DDX60: variants seen among roughly 807,000 people sequenced by gnomAD.
DDX60 encodes the protein DExD/H-box helicase 60, also known as probable ATP-dependent RNA helicase DDX60.
In DDX60, 165 loss-of-function variants were observed where a neutral mutation model predicts 212.8. That is an observed-to-expected ratio of 0.78 (90% CI 0.68 to 0.88). The LOEUF (loss-of-function observed/expected upper bound fraction) is 0.88. Among genes scored for constraint, DDX60 ranks in the 40% least tolerant of loss-of-function variants. The probability of loss-of-function intolerance (pLI) is 0.00; values close to 1 mark genes in which losing one functional copy is unlikely to be tolerated. For synonymous variants in DDX60, 703 were observed against 685.3 expected (o/e 1.03, Z -0.40); for missense variants, 1,905 against 2,003.9 (o/e 0.95, Z 0.94).
upstream of DDX60, among the ~76,000 whole-genome samples, chr4:168,320,408 G>T (rs1403483852): frequency 2.0e-5 from 3 of 152,086 alleles, no homozygotes; most frequent in African/African-American, 7.2e-5. Flanking sequence ...CAGTGGAAGG[G>T]ACCACGGGCC....
chr4:168,243,032 C>A (rs1002335873), intron 30 of DDX60, among the ~76,000 whole-genome samples: 1 of 152,168 alleles, frequency 6.6e-6, no homozygotes, highest in African/African-American at 2.4e-5. Context: ...AGTTCCCTTG[C>A]ACAAGCTCTC....
At chr4:168,257,571 T>C (rs1336332876) in intron 25 of DDX60, among the ~76,000 whole-genome samples, 1 of 152,178 alleles carries the variant, frequency 6.6e-6, no homozygotes, top group East Asian at 1.9e-4. Context: ...TAATGCAAGT[T>C]ACTGGGGCCT....
intron 25 of DDX60, among the ~76,000 whole-genome samples, chr4:168,256,154 G>A (rs367740212): frequency 1.7e-4 from 20 of 120,940 alleles, no homozygotes; most frequent in South Asian, 1.4e-3. Context: ...ATCAGAACTC[G>A]TGGAAATTTT....
intron 33 of DDX60, among the ~76,000 whole-genome samples, chr4:168,234,995 C>T (rs932025055): frequency 6.6e-6 from 1 of 152,026 alleles, no homozygotes; most frequent in Non-Finnish European, 1.5e-5. Context: ...ATCTAAAAGA[C>T]TGCTAAAGAT....
At position 168,308,100 on chromosome 4, in the gene DDX60, T is replaced by C. The variant is rs1024139852; in HGVS notation, c.170A>G (p.Lys57Arg). Residue 57 changes from lysine (K) to arginine (R), a missense_variant, in exon 4 of 38, where the codon AAG becomes AGG. Transcript: ENST00000393743. ...GAAGAAATGGAGGTTCTGCCCAGGCTTAAATGATATCTCACAGATACATGT... is the reference window on the plus strand; with the variant it reads ...GAAGAAATGGAGGTTCTGCCCAGGCCTAAATGATATCTCACAGATACATGT... ...LITCICEISF[K>R]PGQNLHFFYL... is the part of the protein sequence containing the mutation. The C allele has an allele frequency of 2.5e-6, 4 of 1,611,402 alleles. No individual in the cohort carries two copies. Among genetic ancestry groups the C allele is most frequent in the Non-Finnish European group, 3.4e-6 (4 of 1,178,584 alleles).
At chr4:168,274,125 G>A (rs192841277) in intron 16 of DDX60, 42 bp from the exon 17 acceptor site, 333 of 1,608,950 alleles carry the variant, frequency 2.1e-4, no homozygotes, top group African/African-American at 2.0e-3. Flanking sequence ...AAACTGAACC[G>A]TATGTTACCA....
chr4:168,228,125 C>T (rs935206550), intron 33 of DDX60, among the ~76,000 whole-genome samples: 2 of 152,078 alleles, frequency 1.3e-5, no homozygotes, highest in Non-Finnish European at 2.9e-5. Flanking sequence ...AGGCTACAAA[C>T]CTGTACAGCA....
Position 168,260,851 on chromosome 4 carries a change from A to G in DDX60, c.3398+14T>C. 6.3e-7 allele frequency: 1 copy of G among 1,594,846 alleles called. No homozygotes were observed. Among genetic ancestry groups the G allele is most frequent in the African/African-American group, 1.4e-5 (1 of 73,904 alleles). On this transcript the variant is annotated intron_variant, in intron 25 of 37. Transcript: ENST00000393743. ...ACAATTACAAGCAAAACCAAATTAA[A>G]TTAAATAACTTACAAAAAAAATAGT... is the stretch of plus-strand genomic sequence containing the variant.
chr4:168,305,563 A>G (rs372114291), intron 5 of DDX60, among the ~76,000 whole-genome samples: 1 of 149,762 alleles, frequency 6.7e-6, no homozygotes, highest in Non-Finnish European at 1.5e-5. Context: ...TTAATTTACT[A>G]TATGGTACCG....
chr4:168,315,147 CAAT>C (rs1737308487), intron 1 of DDX60, among the ~76,000 whole-genome samples: 3 of 152,126 alleles, frequency 2.0e-5, no homozygotes, highest in Admixed American at 2.0e-4. Flanking sequence ...AAAATTGGAA[CAAT>C]AATATTACTC....
rs1471475162 is a variant in DDX60, at chr4:168,293,906, C to T, written c.763G>A (p.Glu255Lys). 4 of 1,613,818 alleles carry T rather than the reference C, an allele frequency of 2.5e-6. No individual in the cohort carries two copies. Among genetic ancestry groups the T allele is most frequent in the Non-Finnish European group, 3.4e-6 (4 of 1,179,976 alleles). Reference sequence around the variant, plus strand: ...AAGACACGCCGAATGTCAGATCCTTCTGGCCAGACTTGTGTAAGCAGAGAT... The same window carrying T: ...AAGACACGCCGAATGTCAGATCCTTTTGGCCAGACTTGTGTAAGCAGAGAT... ...TVSLLTQVWP[E>K]GSDIRRVFCV... Residue 255 changes from glutamate (E) to lysine (K), a missense_variant, in exon 7 of 38, where the codon GAA becomes AAA. By Grantham distance (56) the Glu-to-Lys change is moderately conservative (BLOSUM62 1). Coordinates refer to ENST00000393743, the MANE Select transcript of DDX60 (RefSeq NM_017631.6).
At chr4:168,247,211 G>A (rs773142241) in intron 29 of DDX60, among the ~76,000 whole-genome samples, 8 of 152,138 alleles carry the variant, frequency 5.3e-5, no homozygotes, top group Non-Finnish European at 7.3e-5. Context: ...TGTAAGAGAC[G>A]TACCCATACT....
chr4:168,273,946 A>AACGTAC lies in DDX60; in HGVS notation c.2436_2441dup (p.Tyr813_Val814dup). On this transcript the variant is annotated inframe_insertion, in exon 17 of 38. Transcript: ENST00000393743. The stretch of plus-strand genomic sequence containing the variant: ...ACTTGAGCACTACCTTTGTGGGTGC[A>AACGTAC]ACGTACACGACCACCCCGTCGTCGC... 1 of 1,613,786 alleles carries AACGTAC rather than the reference A, an allele frequency of 6.2e-7. No individual in the cohort carries two copies. Among genetic ancestry groups the AACGTAC allele is most frequent in the Non-Finnish European group, 8.5e-7 (1 of 1,179,810 alleles).
intron 33 of DDX60, among the ~76,000 whole-genome samples, chr4:168,231,860 C>T (rs1048394530): frequency 6.6e-6 from 1 of 151,934 alleles, no homozygotes; most frequent in Non-Finnish European, 1.5e-5. Context: ...GAAGTCCTAA[C>T]CAGAGCAATC....
chr4:168,291,666 A>C, intron 8 of DDX60, 82 bp downstream of exon 8: 1 of 1,337,192 alleles, frequency 7.5e-7, no homozygotes, highest in Non-Finnish European at 1.0e-6. Flanking sequence ...GTAGTCCCAC[A>C]TAAGAGAATT....
chr4:168,263,920 T>C (rs1228352537), intron 22 of DDX60, among the ~76,000 whole-genome samples: 1 of 152,242 alleles, frequency 6.6e-6, no homozygotes, highest in East Asian at 1.9e-4. Context: ...TAGGATTCTT[T>C]GGGATTTCTC....
At chr4:168,222,746 A>G (rs1174790862) in intron 35 of DDX60, among the ~76,000 whole-genome samples, 1 of 152,100 alleles carries the variant, frequency 6.6e-6, no homozygotes, top group Non-Finnish European at 1.5e-5. Flanking sequence ...TTCTTATTCT[A>G]TATGACTCAG....
intron 10 of DDX60, among the ~76,000 whole-genome samples, chr4:168,286,389 T>TACACACACACACAC (rs71867661): frequency 0.16 from 20,926 of 133,372 alleles, 1,706 homozygotes; most frequent in South Asian, 0.21. Context: ...CTTGATTTTA[T>TACACACACACACAC]ACACACACAC....
At chr4:168,278,140 T>C (rs1000889377) in intron 14 of DDX60, among the ~76,000 whole-genome samples, 2 of 152,208 alleles carry the variant, frequency 1.3e-5, no homozygotes, top group Non-Finnish European at 2.9e-5. Flanking sequence ...AGCCATAAAG[T>C]GCTTTCTTTA....
Sources: allele counts gnomAD v4.1 joint callset (sites outside exome capture counted in the v4.1 genomes callset), GRCh38; gene constraint gnomAD v4.1.1; transcripts MANE v1.5; gene names NCBI Gene and HGNC (gene_info 2026-07-23, HGNC 2026-07-21).